The following SNTG1 variants were observed in gnomAD, a reference collection of about 807,000 sequenced individuals.
SNTG1 encodes the protein syntrophin gamma 1.
SNTG1 carries 39 observed loss-of-function variants against 74.7 expected under a neutral mutation model. The observed-to-expected ratio is 0.52, with a 90% confidence interval of 0.40 to 0.68. The LOEUF is 0.68. Ranked by LOEUF, SNTG1 falls within the 30% of genes least tolerant of loss-of-function variation. The pLI, the probability that SNTG1 is intolerant of heterozygous loss-of-function variation, is 0.00. For synonymous variants in SNTG1, 254 were observed against 217.1 expected (o/e 1.17, Z -1.49); for missense variants, 685 against 609.5 (o/e 1.12, Z -1.30).
At chr8:50,513,456 T>C (rs1225438385) in intron 9 of SNTG1, among the ~76,000 whole-genome samples, 1 of 152,214 alleles carries the variant, frequency 6.6e-6, no homozygotes, top group East Asian at 1.9e-4. Context: ...CAGACAGGGA[T>C]ATTTAAGTCT....
At chr8:50,332,177 A>G (rs1179871178) in intron 2 of SNTG1, among the ~76,000 whole-genome samples, 1 of 152,218 alleles carries the variant, frequency 6.6e-6, no homozygotes, top group Non-Finnish European at 1.5e-5. Flanking sequence ...CTTTCCATCT[A>G]TTCAAATGAG....
At chr8:50,329,377 C>A (rs776636698) in intron 2 of SNTG1, among the ~76,000 whole-genome samples, 1 of 152,180 alleles carries the variant, frequency 6.6e-6, no homozygotes, top group South Asian at 2.1e-4. Context: ...GAGGGCTCCA[C>A]CCCTGCAGCA....
chr8:50,187,235 C>T (rs1411268538), intron 2 of SNTG1, among the ~76,000 whole-genome samples: 1 of 152,068 alleles, frequency 6.6e-6, no homozygotes, highest in African/African-American at 2.4e-5. Flanking sequence ...AAGAACAAAG[C>T]TGGAGGCACC....
intron 8 of SNTG1, among the ~76,000 whole-genome samples, chr8:50,487,660 G>A (rs1430619494): frequency 2.0e-5 from 3 of 149,640 alleles, no homozygotes; most frequent in Non-Finnish European, 4.5e-5. Context: ...ACACAGGAAG[G>A]GGAATATCAC....
intron 12 of SNTG1, among the ~76,000 whole-genome samples, chr8:50,571,758 T>C (rs1308303331): frequency 6.6e-6 from 1 of 152,242 alleles, no homozygotes; most frequent in Non-Finnish European, 1.5e-5. Flanking sequence ...CCTAGGTGAT[T>C]CGCTCTCACC....
At position 50,325,047 on chromosome 8, in the gene SNTG1, A is replaced by T. The variant is rs527835296; in HGVS notation, c.-27-69165A>T. On this transcript the variant is annotated intron_variant, in intron 2 of 18. Transcript: ENST00000642720. ...ACAGATAGATCAATAGAACAGAATAAATAACCCAGAAATAGACCCACCAAA... is the reference window on the plus strand; with the variant it reads ...ACAGATAGATCAATAGAACAGAATATATAACCCAGAAATAGACCCACCAAA... 6.7e-5 allele frequency among the ~76,000 whole-genome samples: 5 copies of T among 74,554 alleles called. No individual in the cohort carries two copies. In the East Asian group the frequency reaches 3.4e-3, roughly 50 times the overall value. The allele number at this position is 74,554 out of a possible 152,430, so 48.9% of individuals were successfully genotyped here. A position where few individuals can be genotyped will look rare whatever the true frequency, so the allele number is the denominator to read the frequency against.
intron 1 of SNTG1, among the ~76,000 whole-genome samples, chr8:50,087,156 T>G (rs1428362945): frequency 6.6e-6 from 1 of 152,180 alleles, no homozygotes; most frequent in Non-Finnish European, 1.5e-5. Context: ...CCTCTGTGAT[T>G]GATCTTTTCT....
intron 1 of SNTG1, among the ~76,000 whole-genome samples, chr8:49,955,702 A>G (rs986519511): frequency 6.6e-6 from 1 of 152,264 alleles, no homozygotes; most frequent in Non-Finnish European, 1.5e-5. Flanking sequence ...TCAGTAAAAG[A>G]CAAAGGCTAA....
intron 9 of SNTG1, among the ~76,000 whole-genome samples, chr8:50,504,959 A>T (rs2093994094): frequency 6.6e-6 from 1 of 152,158 alleles, no homozygotes; most frequent in South Asian, 2.1e-4. Flanking sequence ...GATATTGCAA[A>T]ATGGAAATTC....
intron 2 of SNTG1, among the ~76,000 whole-genome samples, chr8:50,186,740 T>C (rs2083399309): frequency 6.6e-6 from 1 of 152,054 alleles, no homozygotes. Flanking sequence ...TTTTGTTTTG[T>C]TTTGCTTTGT....
intron 2 of SNTG1, among the ~76,000 whole-genome samples, chr8:50,329,200 G>T (rs535539626): frequency 5.9e-5 from 9 of 152,272 alleles, no homozygotes; most frequent in African/African-American, 1.7e-4. Flanking sequence ...AGCTGGCATT[G>T]TCTGTCTATG....
intron 2 of SNTG1, among the ~76,000 whole-genome samples, chr8:50,195,981 A>G (rs866576006): frequency 1.3e-5 from 2 of 152,204 alleles, no homozygotes; most frequent in African/African-American, 4.8e-5. Flanking sequence ...TTTAATATCA[A>G]TAATTTTCAT....
chr8:50,608,831 T>C (rs1454741959), intron 13 of SNTG1, among the ~76,000 whole-genome samples: 1 of 151,968 alleles, frequency 6.6e-6, no homozygotes, highest in East Asian at 1.9e-4. Context: ...TTCAATGTAG[T>C]GCTTTAATTT....
At chr8:50,103,186 C>G (rs2080217365) in intron 1 of SNTG1, among the ~76,000 whole-genome samples, 1 of 152,182 alleles carries the variant, frequency 6.6e-6, no homozygotes, top group Non-Finnish European at 1.5e-5. Flanking sequence ...TTCTTCCTAC[C>G]CATGAGCATG....
Position 50,069,583 on chromosome 8 carries a change from ATTTTTTTTTTTTTTTTT to A in SNTG1, c.-102-102955_-102-102939del, listed in dbSNP as rs71235778. On this transcript the variant is annotated intron_variant, in intron 1 of 18. Transcript: ENST00000642720. ...TCTCTGGGCAGTGAGATTGGGAGGA[ATTTTTTTTTTTTTTTTT>A]TTTTTTTTTTTTTTTTTTTTTTGCT... Among the ~76,000 whole-genome samples, 245 of 67,082 alleles carry A rather than the reference ATTTTTTTTTTTTTTTTT, an allele frequency of 3.7e-3. 1 individual carries two copies. Among genetic ancestry groups the A allele is most frequent in the African/African-American group, 8.2e-3 (120 of 14,630 alleles). The allele number at this position is 67,082 out of a possible 152,430, so 44.0% of individuals were successfully genotyped here.
intron 8 of SNTG1, among the ~76,000 whole-genome samples, chr8:50,481,383 AAAC>A (rs201369630): frequency 7.9e-4 from 120 of 152,232 alleles, no homozygotes; most frequent in Middle Eastern, 3.4e-3. Context: ...TCCATCTCAA[AAAC>A]AACAACAACA....
intron 2 of SNTG1, among the ~76,000 whole-genome samples, chr8:50,265,453 G>T (rs764170041): frequency 6.6e-6 from 1 of 152,014 alleles, no homozygotes; most frequent in Non-Finnish European, 1.5e-5. Flanking sequence ...CAGGAGACTG[G>T]ACATAGAAAA....
rs1278963442 is a variant in SNTG1 at position 49,969,390 on chromosome 8, T to TC, written c.-103+57159_-103+57160insC. ...TACACATTTTAATTCATTTAATCTT[T>TC]TTTTTTTTTTTTTTTTTTTTTTTTG... On this transcript the variant is annotated intron_variant, in intron 1 of 18. Transcript: ENST00000642720. Among the ~76,000 whole-genome samples the TC allele has an allele frequency of 4.4e-4, 39 of 89,162 alleles. 1 individual carries two copies. The highest frequency in any genetic ancestry group is 2.8e-3 in the Admixed American group (26 of 9,154). 58.5% of individuals were successfully genotyped at this position (89,162 alleles called of 152,430 possible).
intron 15 of SNTG1, among the ~76,000 whole-genome samples, chr8:50,697,256 C>T (rs2095408444): frequency 6.6e-6 from 1 of 152,002 alleles, no homozygotes; most frequent in African/African-American, 2.4e-5. Context: ...AGAAAAGCTA[C>T]TGATTTTTGT....
Sources: allele counts gnomAD v4.1 joint callset (sites outside exome capture counted in the v4.1 genomes callset), GRCh38; gene constraint gnomAD v4.1.1; transcripts MANE v1.5; gene names NCBI Gene and HGNC (gene_info 2026-07-23, HGNC 2026-07-21).